RIOX1: variants seen among roughly 807,000 people sequenced by gnomAD.
RIOX1 encodes the protein ribosomal oxygenase 1.
RIOX1 carries 33 observed loss-of-function variants against 44.6 expected under a neutral mutation model. The ratio of observed to expected loss-of-function variants is 0.74; its 90% CI spans 0.56 to 0.99. The LOEUF (loss-of-function observed/expected upper bound fraction) is 0.99, where lower values mean the gene tolerates loss of function less well. RIOX1 is among the 50% of genes least tolerant of loss of function. RIOX1 has a pLI of 0.00. For synonymous variants in RIOX1, 387 were observed against 395.8 expected (o/e 0.98, Z 0.26); for missense variants, 821 against 871.7 (o/e 0.94, Z 0.73).
At position 73,490,979 on chromosome 14, in the gene RIOX1, C is replaced by T. The variant is rs1885671840; in HGVS notation, c.-39C>T. On this transcript the variant is annotated 5_prime_UTR_variant, in exon 1 of 1. Coordinates refer to ENST00000304061, the MANE Select transcript of RIOX1 (RefSeq NM_024644.5). ...ATTCAGGAACCGCTTTAGCTTCGCC[C>T]CCGGCCGGCCGGGCGGGGAAGACTG... 2.3e-6 allele frequency: 3 copies of T among 1,321,284 alleles called. No homozygotes were observed. The highest frequency in any genetic ancestry group is 2.9e-6 in the Non-Finnish European group (3 of 1,029,118). 81.8% of individuals were successfully genotyped at this position (1,321,284 alleles called of 1,614,324 possible).
chr14:73,492,956 T>C lies in RIOX1; in HGVS notation c.*13T>C. On this transcript the variant is annotated 3_prime_UTR_variant, in exon 1 of 1. Transcript: ENST00000304061. This position sits in a 1 kb window ranked among gnomAD's most constrained non-coding sequence, Gnocchi z 4.9. ...AGCCCTAAATTAGTTTCTTGTTGATTGCTGGAAACAAGGCAGTAGTGATTC... is the reference window on the plus strand; with the variant it reads ...AGCCCTAAATTAGTTTCTTGTTGATCGCTGGAAACAAGGCAGTAGTGATTC... 6.2e-7 allele frequency: 1 copy of C among 1,610,944 alleles called. No individual in the cohort carries two copies. The highest frequency in any genetic ancestry group is 8.5e-7 in the Non-Finnish European group (1 of 1,178,430).
At position 73,492,108 on chromosome 14, in the gene RIOX1, T is replaced by A. The variant is rs3813563; in HGVS notation, c.1091T>A (p.Val364Asp). The part of the protein sequence containing the change: ...RKLWRVYRPR[V>D]PTEELALTSS... ...CTCTGGCGTGTATACCGACCCCGAG[T>A]CCCAACCGAGGAACTGGCTCTGACA... The change falls in exon 1 of 1, where the codon GTC becomes GAC. Residue 364 changes from valine (V) to aspartate (D), a missense_variant. Around this residue, in one of 2 missense-constraint regions of RIOX1, gnomAD observed 554 missense variants for 531.2 expected, o/e 1.04. Transcript: ENST00000304061. The surrounding 1 kb of genome is among the most constrained non-coding windows in gnomAD (Gnocchi z 4.9). 1.4e-5 allele frequency: 22 copies of A among 1,613,470 alleles called. No individual in the cohort carries two copies. The highest frequency in any genetic ancestry group is 1.9e-5 in the Non-Finnish European group (22 of 1,179,762).
Position 73,490,975 on chromosome 14 carries a change from C to A in RIOX1, c.-43C>A. On this transcript the variant is annotated 5_prime_UTR_variant, in exon 1 of 1. Transcript: ENST00000304061. ...CTGCATTCAGGAACCGCTTTAGCTT[C>A]GCCCCCGGCCGGCCGGGCGGGGAAG... 2 of 1,317,136 alleles carry A rather than the reference C, an allele frequency of 1.5e-6. No homozygotes were observed. Among genetic ancestry groups the A allele is most frequent in the Non-Finnish European group, 1.9e-6 (2 of 1,027,320 alleles). 81.6% of individuals were successfully genotyped at this position (1,317,136 alleles called of 1,614,324 possible).
rs773079039 is a variant in RIOX1, at chr14:73,491,029, C to T, written c.12C>T (p.Leu4=). The change falls in exon 1 of 1, where the codon CTC becomes CTT. Residue 4 remains leucine (L), a synonymous_variant. Transcript: ENST00000304061. ...GGTGTGGTCTGGCCATGGATGGGCTCCAGGCCAGTGCAGGGCCGTTGAGGC... is the reference window on the plus strand; with the variant it reads ...GGTGTGGTCTGGCCATGGATGGGCTTCAGGCCAGTGCAGGGCCGTTGAGGC... MDG[L]QASAGPLRRG... 4 of 1,549,092 alleles carry T rather than the reference C, an allele frequency of 2.6e-6. No individual in the cohort carries two copies. Among genetic ancestry groups the T allele is most frequent in the Middle Eastern group, 1.8e-4 (1 of 5,494 alleles).
At position 73,492,263 on chromosome 14, in the gene RIOX1, C is replaced by T; in HGVS notation, c.1246C>T (p.Leu416=). The change falls in exon 1 of 1, where the codon CTG becomes TTG. Residue 416 remains leucine, a synonymous_variant. Coordinates refer to ENST00000304061, the MANE Select transcript of RIOX1 (RefSeq NM_024644.5). The surrounding 1 kb of genome is among the most constrained non-coding windows in gnomAD (Gnocchi z 4.9). ...QAECQDGVHS[L]HLTLSTYQRN... ...TGAATGCCAGGATGGAGTCCACTCTCTGCACCTCACCTTGTCCACGTACCA... is the reference window on the plus strand; with the variant it reads ...TGAATGCCAGGATGGAGTCCACTCTTTGCACCTCACCTTGTCCACGTACCA... 2 of 1,614,056 alleles carry T rather than the reference C, an allele frequency of 1.2e-6. No individual in the cohort carries two copies. Among genetic ancestry groups the T allele is most frequent in the Non-Finnish European group, 1.7e-6 (2 of 1,179,908 alleles).
rs761573614 is a variant in RIOX1, at chr14:73,492,703, G to T, written c.1686G>T (p.Gly562=). ...QDGIARLVGE[G]GHLFLYYTVE... is the part of the protein sequence containing the mutation. ...GGATAGCTCGGCTGGTGGGTGAGGG[G>T]GGCCATTTGTTTCTCTATTACACAG... is the stretch of plus-strand genomic sequence containing the variant. The change falls in exon 1 of 1, where the codon GGG becomes GGT. Residue 562 remains glycine (G), a synonymous_variant. Transcript: ENST00000304061. The surrounding 1 kb of genome is among the most constrained non-coding windows in gnomAD (Gnocchi z 4.9). The T allele has an allele frequency of 1.1e-5, 18 of 1,613,842 alleles. No individual in the cohort carries two copies. In the South Asian group the frequency reaches 1.6e-4, roughly 15 times the overall value.
chr14:73,492,016 C>A lies in RIOX1; in HGVS notation c.999C>A (p.Asn333Lys). 1.2e-6 allele frequency: 2 copies of A among 1,614,042 alleles called. No homozygotes were observed. The highest frequency in any genetic ancestry group is 4.5e-5 in the East Asian group (2 of 44,880). The change falls in exon 1 of 1, where the codon AAC becomes AAA. Residue 333 changes from asparagine to lysine, a missense_variant. This residue lies in a region of RIOX1 where 554 missense variants were observed against 531.2 expected (regional missense o/e 1.04). Transcript: ENST00000304061. This position sits in a 1 kb window ranked among gnomAD's most constrained non-coding sequence, Gnocchi z 4.9. ...AGSNVYLTPP[N>K]SQGFAPHYDD... ...CCAACGTTTACCTCACGCCCCCTAACTCGCAGGGCTTTGCCCCCCACTACG... is the reference window on the plus strand; with the variant it reads ...CCAACGTTTACCTCACGCCCCCTAAATCGCAGGGCTTTGCCCCCCACTACG...
chr14:73,491,355 G>A lies in RIOX1; in HGVS notation c.338G>A (p.Arg113His). Reference protein sequence around the residue: ...AELLEASPAARSLQTPSARLV... With the variant: ...AELLEASPAAHSLQTPSARLV... The stretch of plus-strand genomic sequence containing the variant: ...CTGCTGGAGGCCTCGCCCGCCGCGC[G>A]CTCCCTGCAGACCCCGTCGGCGCGC... The change falls in exon 1 of 1, where the codon CGC becomes CAC. Residue 113 changes from arginine to histidine, a missense_variant. By Grantham distance (29) the Arg-to-His change is conservative. Around this residue, in one of 2 missense-constraint regions of RIOX1, gnomAD observed 554 missense variants for 531.2 expected, o/e 1.04. Transcript: ENST00000304061. The A allele has an allele frequency of 7.0e-7, 1 of 1,428,404 alleles. No individual in the cohort carries two copies. The highest frequency in any genetic ancestry group is 9.1e-7 in the Non-Finnish European group (1 of 1,094,160). 88.5% of individuals were successfully genotyped at this position (1,428,404 alleles called of 1,614,324 possible).
In RIOX1 at chr14:73,491,758, G is replaced by A. The variant is rs1490927859; in HGVS notation, c.741G>A (p.Leu247=). 6.4e-7 allele frequency: 1 copy of A among 1,563,516 alleles called. No individual in the cohort carries two copies. Among genetic ancestry groups the A allele is most frequent in the African/African-American group, 1.4e-5 (1 of 73,614 alleles). The stretch of plus-strand genomic sequence containing the variant: ...AGGGACTTTTCTCTACCGCTGACCT[G>A]GATTCGATGCTGCGCAACGAGGAGG... ...YYQGLFSTAD[L]DSMLRNEEVQ... The change falls in exon 1 of 1, where the codon CTG becomes CTA. Residue 247 remains leucine (L), a synonymous_variant. Coordinates refer to ENST00000304061, the MANE Select transcript of RIOX1 (RefSeq NM_024644.5).
At position 73,491,111 on chromosome 14, in the gene RIOX1, C is replaced by A. The variant is rs73293424; in HGVS notation, c.94C>A (p.Leu32Met). The change falls in exon 1 of 1, where the codon CTG becomes ATG. Residue 32 changes from leucine to methionine, a missense_variant. By Grantham distance (15) the Leu-to-Met change is conservative. Transcript: ENST00000304061. ...GCCACACAGCGGGTCGGTCCTGGCC[C>A]TGCCCTTGAGGTCCAGGAAGATACG... ...PQPHSGSVLA[L>M]PLRSRKIRKQ... is the part of the protein sequence containing the mutation. The A allele has an allele frequency of 3.1e-3, 4,920 of 1,606,864 alleles. 110 individuals are homozygous for A. In the African/African-American group the frequency reaches 0.046, roughly 15 times the overall value.
Position 73,491,022 on chromosome 14 carries a change from A to C in RIOX1, c.5A>C (p.Asp2Ala). MDGLQASAGPLR... is the reference protein window; with the variant it reads MAGLQASAGPLR... The stretch of plus-strand genomic sequence containing the variant: ...GAAGACTGGTGTGGTCTGGCCATGG[A>C]TGGGCTCCAGGCCAGTGCAGGGCCG... The change falls in exon 1 of 1, where the codon GAT becomes GCT. Residue 2 changes from aspartate to alanine, a missense_variant. This residue lies in a region of RIOX1 where 554 missense variants were observed against 531.2 expected (regional missense o/e 1.04). Coordinates refer to ENST00000304061, the MANE Select transcript of RIOX1 (RefSeq NM_024644.5). 2 of 1,505,116 alleles carry C rather than the reference A, an allele frequency of 1.3e-6. No individual in the cohort carries two copies. Among genetic ancestry groups the C allele is most frequent in the Non-Finnish European group, 1.8e-6 (2 of 1,122,668 alleles). The allele number at this position is 1,505,116 out of a possible 1,614,324, so 93.2% of individuals were successfully genotyped here.
In RIOX1 at chr14:73,492,313, A is replaced by G; in HGVS notation, c.1296A>G (p.Leu432=). ...AGCGCAATACCTGGGGTGACTTCTTAGAGGCCATACTGCCTCTGGCAGTGC... is the reference window on the plus strand; with the variant it reads ...AGCGCAATACCTGGGGTGACTTCTTGGAGGCCATACTGCCTCTGGCAGTGC... ...TYQRNTWGDF[L]EAILPLAVQA... The change falls in exon 1 of 1, where the codon TTA becomes TTG. Residue 432 remains leucine (L), a synonymous_variant. Coordinates refer to ENST00000304061, the MANE Select transcript of RIOX1 (RefSeq NM_024644.5). The surrounding 1 kb of genome is among the most constrained non-coding windows in gnomAD (Gnocchi z 4.9). 6.2e-7 allele frequency: 1 copy of G among 1,614,040 alleles called. No individual in the cohort carries two copies. The highest frequency in any genetic ancestry group is 8.5e-7 in the Non-Finnish European group (1 of 1,179,892).
In RIOX1 at chr14:73,491,745, C is replaced by T. The variant is rs1274571481; in HGVS notation, c.728C>T (p.Ser243Phe). ...QDHTYYQGLF[S>F]TADLDSMLRN... ...CACACCTACTACCAGGGACTTTTCTCTACCGCTGACCTGGATTCGATGCTG... is the reference window on the plus strand; with the variant it reads ...CACACCTACTACCAGGGACTTTTCTTTACCGCTGACCTGGATTCGATGCTG... Residue 243 changes from serine to phenylalanine, a missense_variant, in exon 1 of 1, where the codon TCT becomes TTT. Ser to Phe is a radical substitution (Grantham distance 155). Transcript: ENST00000304061. 1.0e-5 allele frequency: 16 copies of T among 1,556,544 alleles called. No individual in the cohort carries two copies. Among genetic ancestry groups the T allele is most frequent in the Non-Finnish European group, 1.4e-5 (16 of 1,150,348 alleles).
Position 73,491,958 on chromosome 14 carries a change from T to C in RIOX1, c.941T>C (p.Val314Ala), listed in dbSNP as rs764254877. Residue 314 changes from valine (V) to alanine (A), a missense_variant, in exon 1 of 1, where the codon GTG becomes GCG. By Grantham distance (64) the Val-to-Ala change is moderately conservative. Around this residue, in one of 2 missense-constraint regions of RIOX1, gnomAD observed 554 missense variants for 531.2 expected, o/e 1.04. Coordinates refer to ENST00000304061, the MANE Select transcript of RIOX1 (RefSeq NM_024644.5). ...ACTACTGTGTGGCAGTTTTTGGCTG[T>C]GCTTCAAGAGCAGTTTGGAAGCATG... Reference protein sequence around the residue: ...FSTTVWQFLAVLQEQFGSMAG... With the variant: ...FSTTVWQFLAALQEQFGSMAG... 3 of 1,613,946 alleles carry C rather than the reference T, an allele frequency of 1.9e-6. No homozygotes were observed. Among genetic ancestry groups the C allele is most frequent in the Non-Finnish European group, 2.5e-6 (3 of 1,179,858 alleles).
Position 73,491,484 on chromosome 14 carries a change from C to T in RIOX1, c.467C>T (p.Ala156Val), listed in dbSNP as rs1885735646. 1.3e-6 allele frequency: 2 copies of T among 1,498,874 alleles called. No individual in the cohort carries two copies. Among genetic ancestry groups the T allele is most frequent in the South Asian group, 1.3e-5 (1 of 77,860 alleles). The allele number at this position is 1,498,874 out of a possible 1,614,324, so 92.8% of individuals were successfully genotyped here. The change falls in exon 1 of 1, where the codon GCG (alanine) becomes GTG (valine). Residue 156 changes from alanine to valine, a missense_variant. Around this residue, in one of 2 missense-constraint regions of RIOX1, gnomAD observed 554 missense variants for 531.2 expected, o/e 1.04. Transcript: ENST00000304061. The part of the protein sequence containing the change: ...SALLCTAQHL[A>V]AVQSSGAPAT... ...CTGCTGTGCACCGCGCAACACTTAG[C>T]GGCCGTCCAGTCGTCCGGGGCCCCT...
Position 73,492,737 on chromosome 14 carries a change from TC to T in RIOX1, c.1723del (p.Arg575ValfsTer32). ...HLFLYYTVEN[S>X]RVYHLEEPKC... The stretch of plus-strand genomic sequence containing the variant: ...GTTTCTCTATTACACAGTGGAAAAC[TC>T]CCGTGTGTATCATCTGGAAGAACCC... On this transcript the variant is annotated frameshift_variant, in exon 1 of 1. Coordinates refer to ENST00000304061, the MANE Select transcript of RIOX1 (RefSeq NM_024644.5). LOFTEE classifies it high-confidence loss of function. The surrounding 1 kb of genome is among the most constrained non-coding windows in gnomAD (Gnocchi z 4.9). 1 of 1,613,924 alleles carries T rather than the reference TC, an allele frequency of 6.2e-7. No homozygotes were observed. Among genetic ancestry groups the T allele is most frequent in the Non-Finnish European group, 8.5e-7 (1 of 1,179,882 alleles).
In RIOX1 at chr14:73,491,909, C is replaced by A; in HGVS notation, c.892C>A (p.Leu298Ile). The change falls in exon 1 of 1, where the codon CTC becomes ATC. Residue 298 changes from leucine to isoleucine, a missense_variant. Physicochemically the swap from Leu to Ile is conservative, Grantham distance 5. Transcript: ENST00000304061. ...SLYQAGCSLR[L>I]LCPQAFSTTV... ...GTACCAGGCCGGCTGCTCCCTGCGT[C>A]TCCTCTGTCCGCAGGCTTTCTCTAC... 1 of 1,612,932 alleles carries A rather than the reference C, an allele frequency of 6.2e-7. No individual in the cohort carries two copies. The highest frequency in any genetic ancestry group is 8.5e-7 in the Non-Finnish European group (1 of 1,179,582).
At position 73,492,201 on chromosome 14, in the gene RIOX1, A is replaced by AT. The variant is rs929268742; in HGVS notation, c.1187dup (p.Leu396PhefsTer13). ...CTGCAGACCGTGCTGGAACCTGGAGATTTGCTGTATTTTCCTCGGGGCTTC... is the reference window on the plus strand; with the variant it reads ...CTGCAGACCGTGCTGGAACCTGGAGATTTTGCTGTATTTTCCTCGGGGCTTC... On this transcript the variant is annotated frameshift_variant, in exon 1 of 1. Coordinates refer to ENST00000304061, the MANE Select transcript of RIOX1 (RefSeq NM_024644.5). LOFTEE classifies it high-confidence loss of function. This position sits in a 1 kb window ranked among gnomAD's most constrained non-coding sequence, Gnocchi z 4.9. The AT allele has an allele frequency of 7.4e-6, 12 of 1,613,536 alleles. No homozygotes were observed. Among genetic ancestry groups the AT allele is most frequent in the Non-Finnish European group, 1.0e-5 (12 of 1,179,836 alleles).
chr14:73,491,354 C>CCGGTCCG lies in RIOX1; in HGVS notation c.337_338insCGGTCCG (p.Arg113ProfsTer64). The CCGGTCCG allele has an allele frequency of 7.0e-7, 1 of 1,432,146 alleles. No homozygotes were observed. The highest frequency in any genetic ancestry group is 9.1e-7 in the Non-Finnish European group (1 of 1,095,526). The allele number at this position is 1,432,146 out of a possible 1,614,324, so 88.7% of individuals were successfully genotyped here. Reference sequence around the variant, plus strand: ...GCTGCTGGAGGCCTCGCCCGCCGCGCGCTCCCTGCAGACCCCGTCGGCGCG... The same window carrying CCGGTCCG: ...GCTGCTGGAGGCCTCGCCCGCCGCGCCGGTCCGGCTCCCTGCAGACCCCGTCGGCGCG... On this transcript the variant is annotated frameshift_variant, in exon 1 of 1. Coordinates refer to ENST00000304061, the MANE Select transcript of RIOX1 (RefSeq NM_024644.5). LOFTEE classifies it high-confidence loss of function.
Sources: allele counts gnomAD v4.1 joint callset, GRCh38; gene constraint gnomAD v4.1.1; regional missense constraint gnomAD v4.1.1; non-coding constraint Gnocchi (gnomAD v3.1); transcripts MANE v1.5; gene names NCBI Gene and HGNC (gene_info 2026-07-23, HGNC 2026-07-21).